PCDH15: variants seen among roughly 807,000 people sequenced by gnomAD.
The protein encoded by PCDH15 is protocadherin-15.
A neutral mutation model predicts 178.5 loss-of-function variants in PCDH15; 129 were observed. The ratio of observed to expected loss-of-function variants is 0.72; its 90% confidence interval spans 0.63 to 0.84. The LOEUF (loss-of-function observed/expected upper bound fraction) is 0.84. Ranked by LOEUF, PCDH15 falls within the 40% of genes least tolerant of loss-of-function variation. The pLI is 0.00. For missense variants in PCDH15, 2,230 were observed against 2,099.9 expected (o/e 1.06, Z -1.21); for synonymous variants, 800 against 732.0 (o/e 1.09, Z -1.50).
intron 10 of PCDH15, among the ~76,000 whole-genome samples, chr10:54,201,141 G>T (rs528593110): frequency 1.5e-4 from 23 of 152,238 alleles, no homozygotes; most frequent in African/African-American, 5.5e-4. Context: ...TTGCTTCAGT[G>T]GATAGATATG....
At chr10:53,888,291 C>CTATATGTATATGT in intron 26 of PCDH15, among the ~76,000 whole-genome samples, 1 of 48,824 alleles carries the variant, frequency 2.0e-5, no homozygotes, top group East Asian at 4.8e-4. Flanking sequence ...ACTATATATA[C>CTATATGTATATGT]ATATATATAT....
At chr10:55,098,931 A>AGAGAGAGAGAGAGAGAGAGAGC (rs1564796896) in intron 2 of PCDH15, among the ~76,000 whole-genome samples, 2 of 130,912 alleles carry the variant, frequency 1.5e-5, no homozygotes. Flanking sequence ...AGAGAGAGAG[A>AGAGAGAGAGAGAGAGAGAGAGC]GAGCTCTTAT....
At chr10:55,039,250 G>T (rs1010561779) in intron 2 of PCDH15, among the ~76,000 whole-genome samples, 4 of 151,990 alleles carry the variant, frequency 2.6e-5, no homozygotes, top group Admixed American at 2.0e-4. Flanking sequence ...ACTGAAGGCA[G>T]AATCAGAAAG....
chr10:55,541,635 A>G (rs1424156485), intron 2 of PCDH15, among the ~76,000 whole-genome samples: 1 of 151,942 alleles, frequency 6.6e-6, no homozygotes, highest in Non-Finnish European at 1.5e-5. Context: ...CTTTTAATCA[A>G]TATTGTTTAT....
intron 8 of PCDH15, among the ~76,000 whole-genome samples, chr10:54,270,386 A>T (rs2057972904): frequency 6.6e-6 from 1 of 152,168 alleles, no homozygotes; most frequent in Admixed American, 6.6e-5. Flanking sequence ...ACATGAACAC[A>T]TTCTAAATTT....
At chr10:54,160,020 T>C (rs4539220) in intron 13 of PCDH15, among the ~76,000 whole-genome samples, 30,936 of 152,040 alleles carry the variant, frequency 0.2, 3,667 homozygotes, top group Non-Finnish European at 0.25. Flanking sequence ...CTCTTTGATA[T>C]ATATGAATTG....
At chr10:55,250,159 CAG>C (rs1358888927) in intron 1 of PCDH15, among the ~76,000 whole-genome samples, 1 of 151,936 alleles carries the variant, frequency 6.6e-6, no homozygotes, top group Admixed American at 6.6e-5. Context: ...TTTATTGAGA[CAG>C]AGTCCTGTTC....
chr10:55,348,450 G>A (rs1473321114), intron 2 of PCDH15, among the ~76,000 whole-genome samples: 3 of 151,992 alleles, frequency 2.0e-5, no homozygotes, highest in Admixed American at 2.0e-4. Context: ...GCTTGCTGGA[G>A]ACAAGAATTT....
At chr10:53,869,004 C>T (rs1013742395) in intron 26 of PCDH15, among the ~76,000 whole-genome samples, 1 of 152,038 alleles carries the variant, frequency 6.6e-6, no homozygotes, top group Non-Finnish European at 1.5e-5. Flanking sequence ...CACAGGGTCT[C>T]GCTATGTTGC....
chr10:54,296,144 C>CAAAAAAA (rs59721161), intron 8 of PCDH15, among the ~76,000 whole-genome samples: 2 of 48,222 alleles, frequency 4.1e-5, no homozygotes, highest in African/African-American at 1.6e-4. Flanking sequence ...GACTCCGTCT[C>CAAAAAAA]AAAAAAAAAA....
chr10:54,731,563 T>TATATATATATATATATAC, intron 1 of PCDH15, among the ~76,000 whole-genome samples: 5 of 49,926 alleles, frequency 1.0e-4, no homozygotes, highest in Non-Finnish European at 2.1e-4. Context: ...TATATATATA[T>TATATATATATATATATAC]ACACACACAC....
chr10:54,318,817 A>T (rs1449330034), intron 7 of PCDH15, among the ~76,000 whole-genome samples: 1 of 152,226 alleles, frequency 6.6e-6, no homozygotes, highest in Admixed American at 6.5e-5. Flanking sequence ...TCAAAAGTAT[A>T]TGATTAATAT....
chr10:54,713,276 A>C (rs1391502013), intron 1 of PCDH15, among the ~76,000 whole-genome samples: 1 of 151,986 alleles, frequency 6.6e-6, no homozygotes, highest in Non-Finnish European at 1.5e-5. Flanking sequence ...TTTTACATTT[A>C]ATAGTCCACA....
intron 2 of PCDH15, among the ~76,000 whole-genome samples, chr10:55,422,828 AGTTT>A (rs1838655729): frequency 6.6e-6 from 1 of 151,932 alleles, no homozygotes; most frequent in Admixed American, 6.6e-5. Context: ...GACATTAATA[AGTTT>A]ATTTTATAGA....
intron 2 of PCDH15, among the ~76,000 whole-genome samples, chr10:55,612,454 G>T (rs867828104): frequency 6.6e-6 from 1 of 152,050 alleles, no homozygotes; most frequent in Non-Finnish European, 1.5e-5. Flanking sequence ...AGACAGGAAA[G>T]GGGGGACTGC....
In PCDH15 at chr10:54,378,821, C is replaced by T; in HGVS notation, c.279G>A (p.Met93Ile). ...YWVLMDPVKQ[M>I]LFLNSTGRVL... ...CTCTTCCGGTGCTGTTCAGGAAAAG[C>T]ATTTGCTTAACAGGATCCATCAACA... is the stretch of plus-strand genomic sequence containing the variant. Residue 93 changes from methionine to isoleucine, a missense_variant, in exon 4 of 38, where the codon ATG becomes ATA. Physicochemically the swap from Met to Ile is conservative, Grantham distance 10. Transcript: ENST00000644397. The T allele has an allele frequency of 1.9e-6, 3 of 1,613,772 alleles. No homozygotes were observed. Among genetic ancestry groups the T allele is most frequent in the African/African-American group, 1.3e-5 (1 of 74,972 alleles).
At chr10:54,014,114 A>C (rs1481553560) in intron 20 of PCDH15, among the ~76,000 whole-genome samples, 1 of 152,124 alleles carries the variant, frequency 6.6e-6, no homozygotes, top group Non-Finnish European at 1.5e-5. Flanking sequence ...AGAAATATAA[A>C]AGAACACTCA....
intron 2 of PCDH15, among the ~76,000 whole-genome samples, chr10:54,903,270 GA>G (rs5785102): frequency 0.32 from 48,841 of 151,830 alleles, 8,353 homozygotes; most frequent in East Asian, 0.58. Flanking sequence ...TGGCTTTTTT[GA>G]ACATACAATT....
At chr10:55,219,862 T>C (rs1234316530) in intron 1 of PCDH15, among the ~76,000 whole-genome samples, 1 of 143,308 alleles carries the variant, frequency 7.0e-6, no homozygotes, top group Non-Finnish European at 1.5e-5. Flanking sequence ...ATGTTAGGCC[T>C]AGCGATCCTG....
Sources: allele counts gnomAD v4.1 joint callset (sites outside exome capture counted in the v4.1 genomes callset), GRCh38; gene constraint gnomAD v4.1.1; transcripts MANE v1.5; gene names NCBI Gene and HGNC (gene_info 2026-07-23, HGNC 2026-07-21).